The following CDH11 variants were observed in gnomAD, a reference collection of about 807,000 sequenced individuals.
CDH11 encodes the protein cadherin-11.
Under a neutral mutation model 67.8 loss-of-function variants are expected in CDH11, and 11 were observed. That is an observed-to-expected ratio of 0.16 (90% CI 0.10 to 0.27). The LOEUF (loss-of-function observed/expected upper bound fraction) is 0.27, where lower values mean the gene tolerates loss of function less well. Ranked by LOEUF, CDH11 falls within the 10% of genes least tolerant of loss-of-function variation. The pLI is 1.00. For synonymous variants in CDH11, 419 were observed against 400.0 expected, an observed-to-expected ratio of 1.05 and a Z score of -0.57; for missense variants, 847 against 1,031.2, an observed-to-expected ratio of 0.82 and a Z score of 2.45.
rs1185088413 is a variant in CDH11 at position 65,121,167 on chromosome 16, A to C, written c.-298+713T>G. Among the ~76,000 whole-genome samples the C allele has an allele frequency of 3.3e-5, 5 of 151,934 alleles. No individual in the cohort carries two copies. The highest frequency in any genetic ancestry group is 1.2e-4 in the African/African-American group (5 of 41,360). On this transcript the variant is annotated intron_variant, in intron 1 of 12. Transcript: ENST00000268603. The surrounding 1 kb of genome is among the most constrained non-coding windows in gnomAD (Gnocchi z 4.1). ...CCGAGTCTGGGCCGCTCATGGACCT[A>C]CTCCTGCGCTGGTGGGAGCTTACAA...
intron 1 of CDH11, among the ~76,000 whole-genome samples, chr16:65,114,496 T>C (rs959242251): frequency 2.6e-5 from 4 of 151,932 alleles, no homozygotes; most frequent in Non-Finnish European, 5.9e-5. Flanking sequence ...TATTTGTAAA[T>C]AGAGATGAAA....
At chr16:65,118,400 CTTTA>C (rs143090025) in intron 1 of CDH11, among the ~76,000 whole-genome samples, 31,955 of 151,936 alleles carry the variant, frequency 0.21, 3,674 homozygotes, top group Middle Eastern at 0.32. Context: ...TTTTCTCCAA[CTTTA>C]TTTTTCTTTT....
Position 64,945,639 on chromosome 16 carries a change from T to C in CDH11, c.*1964A>G. On this transcript the variant is annotated 3_prime_UTR_variant, in exon 13 of 13. Transcript: ENST00000268603. ...GGAAGTATTGAGAATGTGTAATCCT[T>C]CACTGAGATGAAAGATTCTAAAGTG... 9.6e-7 allele frequency: 1 copy of C among 1,036,640 alleles called. No individual in the cohort carries two copies. The highest frequency in any genetic ancestry group is 1.2e-6 in the Non-Finnish European group (1 of 860,870). 64.2% of individuals were successfully genotyped at this position (1,036,640 alleles called of 1,614,324 possible).
intron 2 of CDH11, among the ~76,000 whole-genome samples, chr16:65,009,148 A>G (rs1011412259): frequency 3.9e-5 from 6 of 152,176 alleles, no homozygotes; most frequent in African/African-American, 1.4e-4. Context: ...TGCAGGTCAA[A>G]TTTAGGCACA....
intron 2 of CDH11, among the ~76,000 whole-genome samples, chr16:65,052,738 G>A (rs1380696210): frequency 1.3e-5 from 2 of 152,126 alleles, no homozygotes; most frequent in African/African-American, 2.4e-5. Context: ...AGCTGATAAG[G>A]GAGAAATAAC....
At chr16:65,037,743 T>C (rs1215888792) in intron 2 of CDH11, among the ~76,000 whole-genome samples, 1 of 142,136 alleles carries the variant, frequency 7.0e-6, no homozygotes. Context: ...AAGACGAGAG[T>C]GCCAAGACCT....
chr16:64,979,519 A>G (rs2072271930), intron 8 of CDH11, among the ~76,000 whole-genome samples: 2 of 152,122 alleles, frequency 1.3e-5, no homozygotes, highest in African/African-American at 2.4e-5. Flanking sequence ...TCAAAACTAT[A>G]ATGATATATC....
intron 5 of CDH11, among the ~76,000 whole-genome samples, 191 bp downstream of exon 5, chr16:64,992,724 A>G (rs570315359): frequency 2.0e-5 from 3 of 152,394 alleles, no homozygotes; most frequent in East Asian, 1.9e-4. Context: ...AAAACCAACA[A>G]TAAATGTTTC....
intron 1 of CDH11, among the ~76,000 whole-genome samples, chr16:65,079,545 G>A (rs1009393379): frequency 6.6e-6 from 1 of 152,156 alleles, no homozygotes; most frequent in Non-Finnish European, 1.5e-5. Flanking sequence ...GCATTCTGCT[G>A]TGTCTCCAAT....
rs374274441 is a variant in CDH11, at chr16:64,950,875, C to A, written c.1786G>T (p.Asp596Tyr). 5.6e-6 allele frequency: 9 copies of A among 1,614,100 alleles called. No individual in the cohort carries two copies. The highest frequency in any genetic ancestry group is 1.7e-5 in the Admixed American group (1 of 60,010). Residue 596 changes from aspartate to tyrosine, a missense_variant, in exon 12 of 13, where the codon GAC becomes TAC. Around this residue, in one of 2 missense-constraint regions of CDH11, gnomAD observed 612 missense variants for 678.7 expected, o/e 0.90. Transcript: ENST00000268603. ...NTLTIKVCGC[D>Y]VNGALLSCNA... ...CAGGAGAGCAGTGCCCCGTTCACGT[C>A]GCACCCGCAGACTTTGATGGTGAGG...
At chr16:64,973,235 T>G (rs1408243988) in intron 8 of CDH11, among the ~76,000 whole-genome samples, 195 bp from the exon 9 acceptor site, 1 of 152,200 alleles carries the variant, frequency 6.6e-6, no homozygotes, top group Non-Finnish European at 1.5e-5. Context: ...TTGGAATTCC[T>G]TATTCAGTAC....
rs111294824 is a variant in CDH11 at position 65,099,289 on chromosome 16, A to G, written c.-298+22591T>C. Among the ~76,000 whole-genome samples, 1,119 of 152,320 alleles carry G rather than the reference A, an allele frequency of 7.3e-3. 23 individuals carry two copies. Among genetic ancestry groups the G allele is most frequent in the African/African-American group, 0.026 (1,080 of 41,568 alleles). On this transcript the variant is annotated intron_variant, in intron 1 of 12. Coordinates refer to ENST00000268603, the MANE Select transcript of CDH11 (RefSeq NM_001797.4). ...GAAGGTCTAGGGAAGCCAAATATTA[A>G]TTCATTCATCCACTCATCTATTCAT... is the stretch of plus-strand genomic sequence containing the variant.
chr16:64,957,930 A>AGTTT (rs372040054), intron 11 of CDH11, among the ~76,000 whole-genome samples: 1,645 of 152,292 alleles, frequency 0.011, 32 homozygotes, highest in African/African-American at 0.038. Context: ...CATTTTTAGA[A>AGTTT]GTTTGTGACA....
At position 65,004,756 on chromosome 16, in the gene CDH11, G is replaced by A. The variant is rs2073008789; in HGVS notation, c.114C>T (p.His38=). 6.2e-7 allele frequency: 1 copy of A among 1,613,078 alleles called. No homozygotes were observed. The highest frequency in any genetic ancestry group is 8.5e-7 in the Non-Finnish European group (1 of 1,179,772). The change falls in exon 3 of 13, where the codon CAC becomes CAT. Residue 38 remains histidine, a synonymous_variant. Transcript: ENST00000268603. The stretch of plus-strand genomic sequence containing the variant: ...CCTGCCCCTCCTTGCCCTTCTCATG[G>A]TGCCCATGGAAGGAGGGCCGCAGGT... ...RGHLRPSFHG[H]HEKGKEGQVL... is the part of the protein sequence containing the mutation.
intron 3 of CDH11, among the ~76,000 whole-genome samples, chr16:65,001,772 C>CCA (rs917988359): frequency 1.3e-5 from 2 of 150,888 alleles, no homozygotes; most frequent in Non-Finnish European, 3.0e-5. Flanking sequence ...TTACTAGGCT[C>CCA]CACACACACA....
At chr16:65,081,673 C>T (rs1048493704) in intron 1 of CDH11, among the ~76,000 whole-genome samples, 3 of 151,792 alleles carry the variant, frequency 2.0e-5, no homozygotes, top group African/African-American at 7.3e-5. Context: ...GGATCAATGG[C>T]TTGAACACCC....
intron 11 of CDH11, among the ~76,000 whole-genome samples, chr16:64,969,187 A>G (rs940610919): frequency 6.6e-6 from 1 of 152,226 alleles, no homozygotes; most frequent in African/African-American, 2.4e-5. Context: ...TAAAATACTT[A>G]TAACTCCCTA....
intron 4 of CDH11, 137 bp from the exon 5 acceptor site, chr16:64,993,171 G>C (rs2072673860): frequency 1.6e-6 from 1 of 635,058 alleles, no homozygotes; most frequent in African/African-American, 1.9e-5. Flanking sequence ...TCCTGGAGTT[G>C]AGATGCAAAA....
chr16:65,060,338 CATATAT>C (rs56797143), intron 1 of CDH11, among the ~76,000 whole-genome samples: 3 of 144,968 alleles, frequency 2.1e-5, no homozygotes, highest in East Asian at 2.0e-4. Context: ...ATAAAATTTG[CATATAT>C]ATATATATAT....
Sources: allele counts gnomAD v4.1 joint callset (sites outside exome capture counted in the v4.1 genomes callset), GRCh38; gene constraint gnomAD v4.1.1; regional missense constraint gnomAD v4.1.1; non-coding constraint Gnocchi (gnomAD v3.1); transcripts MANE v1.5; gene names NCBI Gene and HGNC (gene_info 2026-07-23, HGNC 2026-07-21).